RAD51B: variants seen among roughly 807,000 people sequenced by gnomAD.
RAD51B encodes DNA repair protein RAD51 homolog 2.
RAD51B carries 38 observed loss-of-function variants against 42.2 expected under a neutral mutation model. The observed-to-expected ratio is 0.90, with a 90% CI of 0.70 to 1.18. RAD51B has a LOEUF of 1.18. RAD51B is among the 50% of genes most tolerant of loss of function. The probability of loss-of-function intolerance (pLI) is 0.00; values close to 1 mark genes in which losing one functional copy is unlikely to be tolerated. For missense variants in RAD51B, 373 were observed against 400.7 expected (o/e 0.93, Z 0.59); for synonymous variants, 154 against 145.2 (o/e 1.06, Z -0.43).
intron 7 of RAD51B, among the ~76,000 whole-genome samples, chr14:68,073,707 G>A (rs998337446): frequency 1.3e-5 from 2 of 152,130 alleles, no homozygotes. Context: ...AGGACTTCTT[G>A]TAAGGCACAT....
chr14:68,174,210 G>A (rs2078923003), intron 7 of RAD51B, among the ~76,000 whole-genome samples: 2 of 152,070 alleles, frequency 1.3e-5, no homozygotes, highest in African/African-American at 2.4e-5. Flanking sequence ...TAGAGTACAG[G>A]ATAGTCAAGG....
intron 9 of RAD51B, among the ~76,000 whole-genome samples, chr14:68,416,178 C>T (rs2084553356): frequency 6.6e-6 from 1 of 152,168 alleles, no homozygotes; most frequent in Non-Finnish European, 1.5e-5. Flanking sequence ...AGAAGTATTG[C>T]ATCTTGGAAG....
At chr14:68,330,228 G>A (rs2082322302) in intron 8 of RAD51B, among the ~76,000 whole-genome samples, 1 of 152,022 alleles carries the variant, frequency 6.6e-6, no homozygotes, top group Non-Finnish European at 1.5e-5. Context: ...TTAAAAGCAT[G>A]GAAAATCACA....
chr14:67,899,514 T>C (rs2043541653), intron 7 of RAD51B, among the ~76,000 whole-genome samples: 1 of 152,216 alleles, frequency 6.6e-6, no homozygotes, highest in Admixed American at 6.5e-5. Context: ...TGTATTACCA[T>C]TAATGGTTTG....
rs183590046 is a variant in RAD51B at position 68,445,106 on chromosome 14, G to A, written c.958-23066G>A. Among the ~76,000 whole-genome samples the A allele has an allele frequency of 4.3e-4, 65 of 152,236 alleles. 1 individual carries two copies. Among genetic ancestry groups the A allele is most frequent in the African/African-American group, 1.2e-3 (51 of 41,544 alleles). ...AGAGACCTTCATTATGGAACCCAATGCCAACAGCAAACTAGAACTACAGGA... is the reference window on the plus strand; with the variant it reads ...AGAGACCTTCATTATGGAACCCAATACCAACAGCAAACTAGAACTACAGGA... On this transcript the variant is annotated intron_variant, in intron 9 of 10. Transcript: ENST00000471583.
At chr14:68,018,129 A>T (rs2075807023) in intron 7 of RAD51B, among the ~76,000 whole-genome samples, 1 of 152,216 alleles carries the variant, frequency 6.6e-6, no homozygotes. Context: ...ATTCGTGTCT[A>T]AGCTATGCAT....
At position 68,166,390 on chromosome 14, in the gene RAD51B, A is replaced by G. The variant is rs183188437; in HGVS notation, c.757-125494A>G. Among the ~76,000 whole-genome samples, 30 of 152,210 alleles carry G rather than the reference A, an allele frequency of 2.0e-4. No individual in the cohort carries two copies. The East Asian group carries it at 5.6e-3, about 28-fold the overall frequency. Reference sequence around the variant, plus strand: ...GTAAATTTTTTTCATTATATTTACTAGTCTTTCCTTTAAGAATTATTTGCC... The same window carrying G: ...GTAAATTTTTTTCATTATATTTACTGGTCTTTCCTTTAAGAATTATTTGCC... On this transcript the variant is annotated intron_variant, in intron 7 of 10. Transcript: ENST00000471583.
chr14:68,398,808 A>G (rs2084001549), intron 8 of RAD51B, among the ~76,000 whole-genome samples: 1 of 152,252 alleles, frequency 6.6e-6, no homozygotes, highest in Non-Finnish European at 1.5e-5. Flanking sequence ...ATTTTCTAAT[A>G]CAAATGCATG....
intron 7 of RAD51B, among the ~76,000 whole-genome samples, chr14:67,989,700 A>T (rs1451230920): frequency 6.6e-6 from 1 of 151,356 alleles, no homozygotes; most frequent in Non-Finnish European, 1.5e-5. Flanking sequence ...CACTTATGGG[A>T]CAGTGGGTTG....
chr14:68,172,667 G>T (rs143086935), intron 7 of RAD51B, among the ~76,000 whole-genome samples: 45 of 152,224 alleles, frequency 3.0e-4, no homozygotes, highest in African/African-American at 1.1e-3. Context: ...CTTAAAGAAA[G>T]AGCTTAAGAG....
At chr14:68,112,688 G>C (rs779635411) in intron 7 of RAD51B, among the ~76,000 whole-genome samples, 2 of 152,094 alleles carry the variant, frequency 1.3e-5, no homozygotes, top group Non-Finnish European at 2.9e-5. Context: ...TTTTATCTGA[G>C]TTGAATTCAG....
chr14:68,105,369 T>C lies in RAD51B; in HGVS notation c.757-186515T>C, dbSNP rs371934730. On this transcript the variant is annotated intron_variant, in intron 7 of 10. Transcript: ENST00000471583. Reference sequence around the variant, plus strand: ...TCGTCATAAAATGATAATTTAAAAATTGATGTATATGCATGATTTTATGTA... The same window carrying C: ...TCGTCATAAAATGATAATTTAAAAACTGATGTATATGCATGATTTTATGTA... 3.1e-4 allele frequency among the ~76,000 whole-genome samples: 47 copies of C among 152,120 alleles called. 1 individual carries two copies. In the South Asian group the frequency reaches 9.7e-3, roughly 32 times the overall value.
intron 8 of RAD51B, among the ~76,000 whole-genome samples, chr14:68,329,237 G>GC (rs1381147161): frequency 6.6e-6 from 1 of 152,048 alleles, no homozygotes; most frequent in Non-Finnish European, 1.5e-5. Flanking sequence ...CAAACTCCTG[G>GC]CCTCAAGCCA....
At chr14:68,624,243 C>T (rs949950642) in intron 10 of RAD51B, among the ~76,000 whole-genome samples, 12 of 151,976 alleles carry the variant, frequency 7.9e-5, no homozygotes, top group African/African-American at 2.2e-4. Context: ...TCCCCTTTGC[C>T]GATCACTTTA....
At chr14:68,434,171 G>A (rs893116501) in intron 9 of RAD51B, among the ~76,000 whole-genome samples, 2 of 152,208 alleles carry the variant, frequency 1.3e-5, no homozygotes, top group African/African-American at 4.8e-5. Flanking sequence ...GTGCCTCCCA[G>A]TTAAGCTACT....
At chr14:68,468,490 C>T (rs1450219303) in intron 10 of RAD51B, 2 of 554,134 alleles carry the variant, frequency 3.6e-6, no homozygotes, top group African/African-American at 3.7e-5. Context: ...CAGAATGAGA[C>T]AATCAAAACA....
At chr14:67,871,195 CTAAT>C (rs1453334309) in intron 5 of RAD51B, among the ~76,000 whole-genome samples, 1 of 151,472 alleles carries the variant, frequency 6.6e-6, no homozygotes, top group Non-Finnish European at 1.5e-5. Flanking sequence ...GCTAGCAAGA[CTAAT>C]AAAGAAAAAA....
At position 68,623,964 on chromosome 14, in the gene RAD51B, G is replaced by A. The variant is rs367902777; in HGVS notation, c.1037-26817G>A. Among the ~76,000 whole-genome samples the A allele has an allele frequency of 4.6e-5, 7 of 152,282 alleles. No homozygotes were observed. In the East Asian group the frequency reaches 1.2e-3, roughly 25 times the overall value. ...TCTGGGTTGGAAACACCAGGAGTCT[G>A]GAATGTAGCCCAAACACTGGGCTCT... is the stretch of plus-strand genomic sequence containing the variant. On this transcript the variant is annotated intron_variant, in intron 10 of 11. Coordinates refer to the RAD51B transcript ENST00000488612.
intron 7 of RAD51B, among the ~76,000 whole-genome samples, chr14:68,145,540 TG>T (rs1246263936): frequency 1.3e-5 from 2 of 152,248 alleles, no homozygotes; most frequent in African/African-American, 4.8e-5. Flanking sequence ...AAAAATCTGC[TG>T]TTCACAGAAA....
Sources: gnomAD v4.1 joint callset for allele counts (sites outside exome capture counted in the v4.1 genomes callset) on GRCh38, gnomAD v4.1.1 for gene constraint, MANE v1.5 for transcripts, NCBI Gene and HGNC (gene_info 2026-07-23, HGNC 2026-07-21) for gene names.